Variants in A2ML1 observed in about 807,000 individuals in gnomAD.
A2ML1 encodes the protein alpha-2-macroglobulin-like protein 1.
A2ML1 carries 161 observed loss-of-function variants against 181.9 expected under a neutral mutation model. The observed-to-expected ratio is 0.89, with a 90% CI of 0.78 to 1.01. A2ML1 has a LOEUF of 1.01. Among genes scored for constraint, A2ML1 ranks in the 50% least tolerant of loss-of-function variants. The pLI is 0.00. For missense variants in A2ML1, 1,670 were observed against 1,768.1 expected, an observed-to-expected ratio of 0.94 and a Z score of 1.00; for synonymous variants, 663 against 666.8, an observed-to-expected ratio of 0.99 and a Z score of 0.09.
Position 8,843,123 on chromosome 12 carries a change from T to C in A2ML1, c.1249-11T>C. On this transcript the variant is annotated splice_polypyrimidine_tract_variant and intron_variant, in intron 11 of 35. Transcript: ENST00000299698. ...ACATGCTAAAATTCTCTCTCTCTCT[T>C]TTATTCTCAGGGAAAGTTTCAAATG... The C allele has an allele frequency of 6.2e-7, 1 of 1,612,756 alleles. No individual in the cohort carries two copies. Among genetic ancestry groups the C allele is most frequent in the Non-Finnish European group, 8.5e-7 (1 of 1,178,870 alleles).
chr12:8,834,746 T>C (rs1287745190), intron 5 of A2ML1, 64 bp downstream of exon 5: 2 of 1,600,928 alleles, frequency 1.2e-6, no homozygotes, highest in African/African-American at 2.7e-5. Flanking sequence ...AATTTGGTGG[T>C]ACACCTTGAA....
At chr12:8,845,156 T>C (rs774867177) in intron 12 of A2ML1, 11 of 1,492,622 alleles carry the variant, frequency 7.4e-6, no homozygotes, top group Non-Finnish European at 9.8e-6. Context: ...CTTCAAGAAA[T>C]GGCAGACAGT....
intron 15 of A2ML1, among the ~76,000 whole-genome samples, chr12:8,848,397 C>T (rs758709289): frequency 9.2e-5 from 14 of 151,864 alleles, no homozygotes; most frequent in Admixed American, 2.6e-4. Context: ...AGGAGAATTG[C>T]GTGAACCCGG....
chr12:8,834,603 A>G, intron 4 of A2ML1, 59 bp from the exon 5 acceptor site: 1 of 1,602,716 alleles, frequency 6.2e-7, no homozygotes, highest in Non-Finnish European at 8.5e-7. Context: ...GCTTTCAGCA[A>G]ACTTATTCTT....
intron 11 of A2ML1, 84 bp downstream of exon 11, chr12:8,841,620 C>A (rs777103025): frequency 8.8e-5 from 121 of 1,374,330 alleles, no homozygotes; most frequent in Non-Finnish European, 1.2e-4. Context: ...TCCTATTCTC[C>A]CCTCTGCTTG....
chr12:8,872,905 T>G (rs1027290851), intron 33 of A2ML1, among the ~76,000 whole-genome samples: 1 of 152,210 alleles, frequency 6.6e-6, no homozygotes, highest in Non-Finnish European at 1.5e-5. Context: ...GAATGAAATT[T>G]TCCTATTTAC....
intron 22 of A2ML1, 123 bp from the exon 23 acceptor site, chr12:8,855,386 T>A: frequency 1.2e-6 from 1 of 808,840 alleles, no homozygotes. Flanking sequence ...GCTTTCTGCA[T>A]CCCAGAGAAA....
chr12:8,857,748 C>G, intron 25 of A2ML1, 160 bp downstream of exon 25: 1 of 1,090,192 alleles, frequency 9.2e-7, no homozygotes, highest in Non-Finnish European at 1.3e-6. Context: ...TGGTCAAGTC[C>G]CTCGATCTTC....
chr12:8,861,607 C>T (rs1944267522), intron 28 of A2ML1, among the ~76,000 whole-genome samples: 1 of 152,096 alleles, frequency 6.6e-6, no homozygotes, highest in Admixed American at 6.5e-5. Context: ...CCTGCCTCAG[C>T]CTCCCCAGTA....
rs771118520 is a variant in A2ML1, at chr12:8,863,867, A to G, written c.3576A>G (p.Val1192=). The G allele has an allele frequency of 1.8e-4, 296 of 1,614,096 alleles. 1 individual carries two copies. The highest frequency in any genetic ancestry group is 2.4e-4 in the Non-Finnish European group (289 of 1,180,020). ...NASPWSEPAA[V]DVELTAYALL... ...GCCCTTGGTCTGAGCCTGCGGCTGT[A>G]GATGTGGAACTCACAGCATATGCAT... is the stretch of plus-strand genomic sequence containing the variant. Residue 1192 remains valine, a synonymous_variant, in exon 29 of 36, where the codon GTA becomes GTG. Transcript: ENST00000299698.
At chr12:8,886,393 T>C (rs1368982018) in intron 7 of A2ML1, 5 of 152,246 alleles carry the variant, frequency 3.3e-5, no homozygotes, top group Non-Finnish European at 7.3e-5. Flanking sequence ...TTGGTTCTTT[T>C]GATGTTATGT....
intron 21 of A2ML1, 96 bp from the exon 22 acceptor site, chr12:8,854,683 TG>T: frequency 7.4e-7 from 1 of 1,342,710 alleles, no homozygotes; most frequent in Non-Finnish European, 1.1e-6. Context: ...AGGGAAGCCC[TG>T]GGGGCACAGC....
In A2ML1 at chr12:8,845,433, C is replaced by G. The variant is rs748325465; in HGVS notation, c.1477-9C>G. On this transcript the variant is annotated splice_polypyrimidine_tract_variant and intron_variant, in intron 12 of 35. Coordinates refer to ENST00000299698, the MANE Select transcript of A2ML1 (RefSeq NM_144670.6). ...TCTGTGCAGTTGATTCTTTTCTTTT[C>G]TTCTTTAGTTAATAGGGAAAGGAAG... The G allele has an allele frequency of 6.2e-7, 1 of 1,613,908 alleles. No homozygotes were observed. Among genetic ancestry groups the G allele is most frequent in the East Asian group, 2.2e-5 (1 of 44,884 alleles).
chr12:8,861,010 A>G, intron 27 of A2ML1, 55 bp downstream of exon 27: 2 of 1,609,988 alleles, frequency 1.2e-6, no homozygotes, highest in Non-Finnish European at 1.7e-6. Flanking sequence ...GTATTCCTAG[A>G]GACATTCACC....
chr12:8,856,897 A>AAT (rs1175851944), intron 23 of A2ML1, among the ~76,000 whole-genome samples: 1 of 55,350 alleles, frequency 1.8e-5, no homozygotes, highest in Non-Finnish European at 3.4e-5. Flanking sequence ...CACAGTAGGT[A>AAT]CTTTTTTTTT....
At chr12:8,886,934 A>T (rs2137019180) in exon 8 of A2ML1, 1 of 152,268 alleles carries the variant, frequency 6.6e-6, no homozygotes, top group East Asian at 1.9e-4. Context: ...GCTTGAGCCC[A>T]GGAGCTAGAG....
chr12:8,828,428 T>C (rs1054897514), intron 3 of A2ML1, among the ~76,000 whole-genome samples: 1 of 152,158 alleles, frequency 6.6e-6, no homozygotes, highest in Non-Finnish European at 1.5e-5. Flanking sequence ...CAGTATTCTC[T>C]CGAGGCCCAA....
rs747388310 is a variant in A2ML1 at position 8,834,661 on chromosome 12, G to T, written c.463-1G>T. The T allele has an allele frequency of 1.2e-6, 2 of 1,614,008 alleles. No individual in the cohort carries two copies. Among genetic ancestry groups the T allele is most frequent in the African/African-American group, 1.3e-5 (1 of 74,918 alleles). ...CCGCATTATCTGGTTTTCCTTTTCA[G>T]TACTCCATGGTGGAACTACAGGTAA... On this transcript the variant is annotated splice_acceptor_variant, in intron 4 of 35. Transcript: ENST00000299698. LOFTEE classifies it high-confidence loss of function.
rs71891886 is a variant in A2ML1, at chr12:8,856,898, CT to C, written c.2849-247del. ...GTCTTCCCAGGACACACAGTAGGTACTTTTTTTTTTTTTTTTTTTGTATTTT... is the reference window on the plus strand; with the variant it reads ...GTCTTCCCAGGACACACAGTAGGTACTTTTTTTTTTTTTTTTTTGTATTTT... On this transcript the variant is annotated intron_variant, in intron 23 of 35. Coordinates refer to ENST00000299698, the MANE Select transcript of A2ML1 (RefSeq NM_144670.6). Among the ~76,000 whole-genome samples the C allele has an allele frequency of 5.4e-4, 67 of 124,962 alleles. 1 individual carries two copies. Among genetic ancestry groups the C allele is most frequent in the South Asian group, 1.9e-3 (7 of 3,732 alleles). 82.0% of individuals were successfully genotyped at this position (124,962 alleles called of 152,430 possible).
Sources: allele counts gnomAD v4.1 joint callset (sites outside exome capture counted in the v4.1 genomes callset), GRCh38; gene constraint gnomAD v4.1.1; transcripts MANE v1.5; gene names NCBI Gene and HGNC (gene_info 2026-07-23, HGNC 2026-07-21).